Variants in PLCE1 observed in about 807,000 individuals in gnomAD.
PLCE1 encodes the protein 1-phosphatidylinositol 4,5-bisphosphate phosphodiesterase epsilon-1.
PLCE1 carries 119 observed loss-of-function variants against 242.8 expected under a neutral mutation model. That is an observed-to-expected ratio of 0.49 (90% CI 0.42 to 0.57). The LOEUF (loss-of-function observed/expected upper bound fraction) is 0.57. Among genes scored for constraint, PLCE1 ranks in the 20% least tolerant of loss-of-function variants. The pLI is 0.00. For synonymous variants in PLCE1, 945 were observed against 1,017.4 expected, an observed-to-expected ratio of 0.93 and a Z score of 1.35; for missense variants, 2,441 against 2,788.8, an observed-to-expected ratio of 0.88 and a Z score of 2.81.
intron 3 of PLCE1, among the ~76,000 whole-genome samples, chr10:94,137,091 G>A (rs1261286364): frequency 6.6e-6 from 1 of 152,144 alleles, no homozygotes; most frequent in African/African-American, 2.4e-5. Context: ...TACTCGGGAG[G>A]CTGAGGCAGG....
At chr10:94,252,799 G>A (rs995008529) in intron 9 of PLCE1, among the ~76,000 whole-genome samples, 2 of 152,154 alleles carry the variant, frequency 1.3e-5, no homozygotes, top group African/African-American at 4.8e-5. Context: ...AGAGAGCTGA[G>A]GGGCAGGCAC....
rs2050237912 is a variant in PLCE1 at position 94,234,128 on chromosome 10, C to T, written c.2030C>T (p.Ala677Val). The stretch of plus-strand genomic sequence containing the variant: ...GAGACCATGAGGAGCCTGAAGGATG[C>T]TATGGCCCAGCATGAGTCCTCTTGT... ...DIETMRSLKD[A>V]MAQHESSCEY... is the part of the protein sequence containing the mutation. Residue 677 changes from alanine (A) to valine (V), a missense_variant, in exon 6 of 33, where the codon GCT becomes GTT. Transcript: ENST00000371380. 6.2e-7 allele frequency: 1 copy of T among 1,613,830 alleles called. No individual in the cohort carries two copies. The highest frequency in any genetic ancestry group is 8.5e-7 in the Non-Finnish European group (1 of 1,179,730).
chr10:94,262,494 A>C lies in PLCE1; in HGVS notation c.3815A>C (p.Asp1272Ala). The change falls in exon 14 of 33, where the codon GAT becomes GCT. Residue 1272 changes from aspartate to alanine, a missense_variant and splice_region_variant. Around this residue, in one of 5 missense-constraint regions of PLCE1, gnomAD observed 1,004 missense variants for 1,322.7 expected, o/e 0.76. Coordinates refer to ENST00000371380, the MANE Select transcript of PLCE1 (RefSeq NM_016341.4). ...ATGTACTGTGGTGATTCTGTTTCAG[A>C]TCTGTTGACCAGAAATGTCTCGGAT... ...ENTSDLQPDL[D>A]LLTRNVSDLG... is the part of the protein sequence containing the mutation. 1 of 1,596,960 alleles carries C rather than the reference A, an allele frequency of 6.3e-7. No individual in the cohort carries two copies. Among genetic ancestry groups the C allele is most frequent in the East Asian group, 2.2e-5 (1 of 44,802 alleles).
chr10:94,184,741 A>C lies in PLCE1; in HGVS notation c.1809+13245A>C, dbSNP rs571778217. Among the ~76,000 whole-genome samples, 66 of 152,336 alleles carry C rather than the reference A, an allele frequency of 4.3e-4. No homozygotes were observed. The Middle Eastern group carries it at 0.014, about 31-fold the overall frequency. On this transcript the variant is annotated intron_variant, in intron 4 of 32. Transcript: ENST00000371380. The stretch of plus-strand genomic sequence containing the variant: ...TTAGTTTTCTGTACATAGCCTCTGC[A>C]GTTGTTGTTGCCTCTGCAAAAGACC...
rs530569440 is a variant in PLCE1 at position 94,097,957 on chromosome 10, G to A, written c.1207-34217G>A. ...TTCTGACCTACAGCAGTGGACAGGCGACAGAGATGAGATTATGGAGACAGT... is the reference window on the plus strand; with the variant it reads ...TTCTGACCTACAGCAGTGGACAGGCAACAGAGATGAGATTATGGAGACAGT... On this transcript the variant is annotated intron_variant, in intron 2 of 32. Transcript: ENST00000371380. 6.6e-5 allele frequency among the ~76,000 whole-genome samples: 10 copies of A among 152,316 alleles called. No individual in the cohort carries two copies. The South Asian group carries it at 1.2e-3, about 19-fold the overall frequency.
At chr10:94,264,308 G>GGTCAAAGACCAAGACCAAGA (rs1394709340) in intron 14 of PLCE1, among the ~76,000 whole-genome samples, 1 of 152,074 alleles carries the variant, frequency 6.6e-6, no homozygotes, top group East Asian at 1.9e-4. Flanking sequence ...CAAGACAGCA[G>GGTCAAAGACCAAGACCAAGA]CAAGCTGGGG....
chr10:94,256,262 T>C (rs2132899268), intron 11 of PLCE1, among the ~76,000 whole-genome samples: 1 of 143,156 alleles, frequency 7.0e-6, no homozygotes, highest in Non-Finnish European at 1.5e-5. Context: ...AGGTTCCGGC[T>C]GCAGTGAGCC....
At chr10:94,035,457 C>A (rs2061645255) in intron 2 of PLCE1, among the ~76,000 whole-genome samples, 1 of 152,150 alleles carries the variant, frequency 6.6e-6, no homozygotes, top group Non-Finnish European at 1.5e-5. Context: ...TTGAAAAGGA[C>A]AAAAGGGATG....
chr10:94,032,634 G>GT (rs146051406), intron 2 of PLCE1, among the ~76,000 whole-genome samples: 23 of 151,340 alleles, frequency 1.5e-4, no homozygotes, highest in African/African-American at 2.2e-4. Context: ...ACTTAATTCT[G>GT]TTTTTTTTCA....
chr10:94,261,455 A>G (rs1564839710), intron 13 of PLCE1, among the ~76,000 whole-genome samples: 1 of 152,314 alleles, frequency 6.6e-6, no homozygotes, highest in South Asian at 2.1e-4. Context: ...TAAAGCTGCT[A>G]TAAACATTTG....
intron 2 of PLCE1, among the ~76,000 whole-genome samples, chr10:94,078,505 T>G (rs1232807847): frequency 2.0e-5 from 3 of 152,028 alleles, no homozygotes; most frequent in African/African-American, 4.8e-5. Flanking sequence ...TTTTTTTTTT[T>G]GAGACAGAGT....
chr10:94,222,704 C>T (rs1453667551), intron 4 of PLCE1, among the ~76,000 whole-genome samples: 2 of 152,176 alleles, frequency 1.3e-5, no homozygotes, highest in Non-Finnish European at 2.9e-5. Context: ...CCCATCCTGG[C>T]TTGTGTGCCA....
intron 2 of PLCE1, among the ~76,000 whole-genome samples, chr10:94,051,527 G>C (rs1234580026): frequency 6.6e-6 from 1 of 152,094 alleles, no homozygotes; most frequent in East Asian, 1.9e-4. Flanking sequence ...TAATTTTGTA[G>C]ATAAGTATAT....
intron 24 of PLCE1, among the ~76,000 whole-genome samples, chr10:94,302,420 T>G (rs1218644939): frequency 6.6e-6 from 1 of 152,228 alleles, no homozygotes; most frequent in African/African-American, 2.4e-5. Flanking sequence ...TTCAAAGTTT[T>G]AATAATAGCT....
chr10:94,208,617 T>C (rs2049240240), intron 4 of PLCE1, among the ~76,000 whole-genome samples: 2 of 152,190 alleles, frequency 1.3e-5, no homozygotes, highest in Non-Finnish European at 2.9e-5. Flanking sequence ...GCCAGGGCCC[T>C]AGATCAGTGA....
intron 13 of PLCE1, among the ~76,000 whole-genome samples, chr10:94,262,145 T>C (rs1589437287): frequency 6.6e-6 from 1 of 151,726 alleles, no homozygotes; most frequent in Non-Finnish European, 1.5e-5. Context: ...GGACTACAGG[T>C]GCACACCACC....
rs1589558571 is a variant in PLCE1 at position 94,328,634 on chromosome 10, A to C, written c.*691A>C. 1 of 152,240 alleles carries C rather than the reference A, an allele frequency of 6.6e-6. No individual in the cohort carries two copies. The highest frequency in any genetic ancestry group is 1.9e-4 in the East Asian group (1 of 5,192). 9.4% of individuals were successfully genotyped at this position (152,240 alleles called of 1,614,324 possible). ...CATACATTTTATGGCCGAGAATTAG[A>C]AGCTTAGAATTAGAAGCTTTGGGGC... is the stretch of plus-strand genomic sequence containing the variant. On this transcript the variant is annotated 3_prime_UTR_variant, in exon 33 of 33. Transcript: ENST00000371380.
At chr10:94,121,244 A>G (rs1331929285) in intron 2 of PLCE1, 1 of 152,276 alleles carries the variant, frequency 6.6e-6, no homozygotes, top group African/African-American at 2.4e-5. Flanking sequence ...GCAGGAGACT[A>G]GGAGAGGGTT....
Position 94,265,940 on chromosome 10 carries a change from G to A in PLCE1, c.4263G>A (p.Ser1421=), listed in dbSNP as rs41291134. 0.029 allele frequency: 46,570 copies of A among 1,613,768 alleles called. 1,123 individuals carry two copies. The highest frequency in any genetic ancestry group is 0.12 in the African/African-American group (8,948 of 74,948). Residue 1421 remains serine, a synonymous_variant, in exon 16 of 33, where the codon TCG becomes TCA. Coordinates refer to ENST00000371380, the MANE Select transcript of PLCE1 (RefSeq NM_016341.4). The part of the protein sequence containing the change: ...LTGHQLKGES[S]VELYSQVLLQ... ...GCCATCAGCTCAAAGGAGAATCCTC[G>A]GTAGAACTCTACAGCCAGGTACAGG...
Sources: allele counts gnomAD v4.1 joint callset (sites outside exome capture counted in the v4.1 genomes callset), GRCh38; gene constraint gnomAD v4.1.1; regional missense constraint gnomAD v4.1.1; transcripts MANE v1.5; gene names NCBI Gene and HGNC (gene_info 2026-07-23, HGNC 2026-07-21).